The following IKZF2 variants were observed in gnomAD, a reference collection of about 807,000 sequenced individuals.
IKZF2 encodes IKAROS family zinc finger 2.
A neutral mutation model predicts 49.2 loss-of-function variants in IKZF2; 15 were observed. The ratio of observed to expected loss-of-function variants is 0.30; its 90% CI spans 0.20 to 0.47. The LOEUF is 0.47. IKZF2 is among the 20% of genes least tolerant of loss of function. The pLI is 1.00. For missense variants in IKZF2, 567 were observed against 664.6 expected (o/e 0.85, Z 1.61); for synonymous variants, 227 against 221.4 (o/e 1.03, Z -0.23).
At chr2:213,071,273 T>C (rs1319816124) in intron 4 of IKZF2, among the ~76,000 whole-genome samples, 1 of 152,134 alleles carries the variant, frequency 6.6e-6, no homozygotes, top group African/African-American at 2.4e-5. Flanking sequence ...GTAACTGATA[T>C]CTGAATATTA....
intron 4 of IKZF2, among the ~76,000 whole-genome samples, chr2:213,072,784 A>G (rs1441029727): frequency 6.6e-6 from 1 of 152,176 alleles, no homozygotes; most frequent in Non-Finnish European, 1.5e-5. Flanking sequence ...ACAGCAACTC[A>G]ATAAAAATTA....
At chr2:213,147,064 A>C (rs1449429125) in intron 4 of IKZF2, among the ~76,000 whole-genome samples, 1 of 152,150 alleles carries the variant, frequency 6.6e-6, no homozygotes, top group East Asian at 1.9e-4. Flanking sequence ...ACATAAAAAC[A>C]ATGTATATTA....
chr2:213,070,423 T>G (rs936183261), intron 4 of IKZF2, among the ~76,000 whole-genome samples: 1 of 152,114 alleles, frequency 6.6e-6, no homozygotes, highest in African/African-American at 2.4e-5. Flanking sequence ...CTGTTACTAC[T>G]TACATCTAAT....
chr2:213,149,283 C>G (rs1308491399), intron 2 of IKZF2, among the ~76,000 whole-genome samples: 1 of 151,880 alleles, frequency 6.6e-6, no homozygotes, highest in Non-Finnish European at 1.5e-5. Context: ...ACACAAATGC[C>G]AAGCCTACTT....
chr2:213,147,714 T>C lies in IKZF2; in HGVS notation c.133A>G (p.Thr45Ala). The C allele has an allele frequency of 1.1e-5, 17 of 1,612,338 alleles. No homozygotes were observed. Among genetic ancestry groups the C allele is most frequent in the Non-Finnish European group, 1.4e-5 (16 of 1,178,338 alleles). ...NGQHASPSHM[T>A]STNSVKLEMQ... ...TCATAAAATGAAGACTTACTGCTTG[T>C]CATGTGACTTGGTGAGGCATGCTGT... The change falls in exon 4 of 9, where the codon ACA becomes GCA. Residue 45 changes from threonine (T) to alanine (A), a missense_variant. Physicochemically the swap from Thr to Ala is moderately conservative, Grantham distance 58. This residue lies in a region of IKZF2 where 156 missense variants were observed against 138.5 expected (regional missense o/e 1.13). Coordinates refer to ENST00000434687, the MANE Select transcript of IKZF2 (RefSeq NM_001387220.1).
chr2:213,039,657 A>T (rs532941592), intron 6 of IKZF2, among the ~76,000 whole-genome samples: 3 of 152,200 alleles, frequency 2.0e-5, no homozygotes, highest in Admixed American at 2.0e-4. Context: ...GGTTCCTCAA[A>T]TCTCTCTTAC....
chr2:213,052,123 C>T (rs1700729262), intron 5 of IKZF2, among the ~76,000 whole-genome samples: 1 of 151,940 alleles, frequency 6.6e-6, no homozygotes, highest in South Asian at 2.1e-4. Flanking sequence ...TTAGTTTTTA[C>T]ATTTACAAAA....
At position 213,007,513 on chromosome 2, in the gene IKZF2, G is replaced by A; in HGVS notation, c.1428C>T (p.Cys476=). The part of the protein sequence containing the change: ...EQIRAFKCEH[C]RVLFLDHVMY... ...TGACATGGTCTAGGAAAAGGACTCG[G>A]CAGTGCTCACACTTGAAGGCCCTAA... The change falls in exon 9 of 9, where the codon TGC becomes TGT. Residue 476 remains cysteine, a synonymous_variant. Coordinates refer to ENST00000434687, the MANE Select transcript of IKZF2 (RefSeq NM_001387220.1). 6.2e-7 allele frequency: 1 copy of A among 1,613,678 alleles called. No individual in the cohort carries two copies. Among genetic ancestry groups the A allele is most frequent in the Non-Finnish European group, 8.5e-7 (1 of 1,179,706 alleles).
At chr2:213,082,323 T>C (rs1399265764) in intron 4 of IKZF2, among the ~76,000 whole-genome samples, 1 of 152,092 alleles carries the variant, frequency 6.6e-6, no homozygotes, top group African/African-American at 2.4e-5. Context: ...ATTAAGGAAA[T>C]AAAACAGCTA....
intron 4 of IKZF2, among the ~76,000 whole-genome samples, chr2:213,082,539 T>C (rs1253894825): frequency 6.6e-5 from 10 of 152,196 alleles, no homozygotes; most frequent in Admixed American, 6.5e-4. Context: ...AAGCAAACCC[T>C]CTGACTAAGT....
chr2:213,074,098 T>C (rs898590798), intron 4 of IKZF2, among the ~76,000 whole-genome samples: 1 of 152,182 alleles, frequency 6.6e-6, no homozygotes, highest in African/African-American at 2.4e-5. Flanking sequence ...GACACATCCA[T>C]CTCTAACTAA....
Position 213,007,282 on chromosome 2 carries a change from A to G in IKZF2, c.*78T>C. The stretch of plus-strand genomic sequence containing the variant: ...ATAAAAGGTATGTCAACATTTGAGG[A>G]AAGGTGGGATTGTAAGTGCAGTATT... On this transcript the variant is annotated 3_prime_UTR_variant, in exon 9 of 9. Coordinates refer to ENST00000434687, the MANE Select transcript of IKZF2 (RefSeq NM_001387220.1). 7.0e-7 allele frequency: 1 copy of G among 1,429,556 alleles called. No homozygotes were observed. The highest frequency in any genetic ancestry group is 9.5e-7 in the Non-Finnish European group (1 of 1,054,876). 88.6% of individuals were successfully genotyped at this position (1,429,556 alleles called of 1,614,324 possible).
At chr2:213,128,081 G>A (rs907784172) in intron 4 of IKZF2, among the ~76,000 whole-genome samples, 21 of 152,090 alleles carry the variant, frequency 1.4e-4, no homozygotes, top group African/African-American at 4.1e-4. Context: ...ATGCAAACTT[G>A]TTTTGTTTGT....
At chr2:213,123,918 AGATATTTAGCTTGAG>A (rs1490585361) in intron 4 of IKZF2, among the ~76,000 whole-genome samples, 2 of 136,768 alleles carry the variant, frequency 1.5e-5, no homozygotes, top group Admixed American at 1.6e-4. Context: ...AAAACTTGTG[AGATATTTAGCTTGAG>A]TCTTAGTGAA....
chr2:213,146,136 A>T lies in IKZF2; in HGVS notation c.139+1572T>A, dbSNP rs575579825. On this transcript the variant is annotated intron_variant, in intron 4 of 8. Transcript: ENST00000434687. ...TACCCTATACATGCAATGTTTCTAA[A>T]GCCAATAGCTAACTAATAGAAACTA... is the stretch of plus-strand genomic sequence containing the variant. 2.6e-5 allele frequency among the ~76,000 whole-genome samples: 4 copies of T among 152,238 alleles called. No individual in the cohort carries two copies. The South Asian group carries it at 8.3e-4, about 32-fold the overall frequency.
intron 4 of IKZF2, among the ~76,000 whole-genome samples, chr2:213,124,286 A>C (rs1335526648): frequency 2.0e-5 from 3 of 147,828 alleles, no homozygotes; most frequent in African/African-American, 7.6e-5. Context: ...ACACACACAC[A>C]CACACACACA....
At chr2:213,100,486 A>G (rs1410424024) in intron 4 of IKZF2, among the ~76,000 whole-genome samples, 1 of 152,022 alleles carries the variant, frequency 6.6e-6, no homozygotes, top group Admixed American at 6.6e-5. Flanking sequence ...AATTTTAAAA[A>G]ATAGTAAAAT....
At chr2:213,083,420 C>T (rs1306588357) in intron 4 of IKZF2, among the ~76,000 whole-genome samples, 1 of 109,850 alleles carries the variant, frequency 9.1e-6, no homozygotes, top group Non-Finnish European at 1.7e-5. Context: ...GACGGAGTTT[C>T]GCTCTTGTTG....
At chr2:213,131,428 T>C (rs2060470632) in intron 4 of IKZF2, among the ~76,000 whole-genome samples, 1 of 152,178 alleles carries the variant, frequency 6.6e-6, no homozygotes, top group South Asian at 2.1e-4. Flanking sequence ...GAAATATTCA[T>C]TACTCAAAAT....
Sources: allele counts gnomAD v4.1 joint callset (sites outside exome capture counted in the v4.1 genomes callset), GRCh38; gene constraint gnomAD v4.1.1; regional missense constraint gnomAD v4.1.1; transcripts MANE v1.5; gene names NCBI Gene and HGNC (gene_info 2026-07-23, HGNC 2026-07-21).